Variants in MGMT observed in about 807,000 individuals in gnomAD.
MGMT encodes O-6-methylguanine-DNA methyltransferase.
In MGMT, 14 loss-of-function variants were observed where a neutral mutation model predicts 15.9. The observed-to-expected ratio is 0.88, with a 90% CI of 0.58 to 1.37. The LOEUF is 1.37. Among genes scored for constraint, MGMT ranks in the 40% most tolerant of loss-of-function variants. The pLI is 0.00. For missense variants in MGMT, 282 were observed against 268.1 expected (o/e 1.05, Z -0.36); for synonymous variants, 130 against 118.2 (o/e 1.10, Z -0.65).
chr10:129,673,851 C>T lies in MGMT; in HGVS notation c.126-34044C>T, dbSNP rs1011676223. ...GTTAATATCTCAGTTGATGCTCGTGCGAAAAAAGTCTGCCTTTCTACCTTT... is the reference window on the plus strand; with the variant it reads ...GTTAATATCTCAGTTGATGCTCGTGTGAAAAAAGTCTGCCTTTCTACCTTT... On this transcript the variant is annotated intron_variant, in intron 2 of 4. Coordinates refer to ENST00000651593, the MANE Select transcript of MGMT (RefSeq NM_002412.5). Among the ~76,000 whole-genome samples the T allele has an allele frequency of 3.3e-5, 5 of 152,062 alleles. No homozygotes were observed. The South Asian group carries it at 6.2e-4, about 19-fold the overall frequency.
At chr10:129,512,673 C>T (rs1427157998) in intron 1 of MGMT, among the ~76,000 whole-genome samples, 2 of 152,162 alleles carry the variant, frequency 1.3e-5, no homozygotes, top group South Asian at 2.1e-4. Context: ...TGTGGCTTAG[C>T]GATGCGTGAA....
chr10:129,726,317 G>C (rs1358986749), intron 3 of MGMT, among the ~76,000 whole-genome samples: 1 of 152,128 alleles, frequency 6.6e-6, no homozygotes, highest in Non-Finnish European at 1.5e-5. Flanking sequence ...TGCTGGCCAG[G>C]TCCTTGATGG....
In MGMT at chr10:129,760,598, C is replaced by T. The variant is rs561865284; in HGVS notation, c.414+1257C>T. 3.3e-5 allele frequency among the ~76,000 whole-genome samples: 5 copies of T among 152,230 alleles called. 1 individual carries two copies. Among genetic ancestry groups the T allele is most frequent in the South Asian group, 4.2e-4 (2 of 4,818 alleles). On this transcript the variant is annotated intron_variant, in intron 4 of 4. Transcript: ENST00000651593. ...ACCACAGCCTGCTGCTCCTGCTGCCCGCTGCAGCAGCCTGGGGGCAGAGCC... is the reference window on the plus strand; with the variant it reads ...ACCACAGCCTGCTGCTCCTGCTGCCTGCTGCAGCAGCCTGGGGGCAGAGCC...
At chr10:129,553,968 T>A (rs1392498829) in intron 2 of MGMT, among the ~76,000 whole-genome samples, 1 of 152,164 alleles carries the variant, frequency 6.6e-6, no homozygotes, top group Non-Finnish European at 1.5e-5. Flanking sequence ...TGAGGAAGAC[T>A]CTCCCGGCTC....
intron 2 of MGMT, among the ~76,000 whole-genome samples, chr10:129,650,547 C>G (rs921754306): frequency 2.6e-5 from 4 of 152,118 alleles, no homozygotes; most frequent in Non-Finnish European, 5.9e-5. Context: ...CTCACCATTG[C>G]GTCCTTTTGT....
chr10:129,471,570 G>A (rs1020727406), intron 1 of MGMT, among the ~76,000 whole-genome samples: 4 of 152,084 alleles, frequency 2.6e-5, no homozygotes, highest in Non-Finnish European at 5.9e-5. Context: ...CCTTGAACCT[G>A]TTGCTCTCCG....
At chr10:129,482,120 G>T (rs575155844) in intron 1 of MGMT, among the ~76,000 whole-genome samples, 1 of 152,138 alleles carries the variant, frequency 6.6e-6, no homozygotes, top group Non-Finnish European at 1.5e-5. Context: ...TCAGAGTGGC[G>T]TATTTCCCAA....
At chr10:129,736,932 G>A (rs1402389464) in intron 3 of MGMT, among the ~76,000 whole-genome samples, 1 of 152,230 alleles carries the variant, frequency 6.6e-6, no homozygotes, top group Non-Finnish European at 1.5e-5. Flanking sequence ...GAGATCTGCT[G>A]TTAGTCTGAT....
intron 2 of MGMT, among the ~76,000 whole-genome samples, chr10:129,706,306 C>T (rs937273808): frequency 1.3e-5 from 2 of 152,224 alleles, no homozygotes; most frequent in African/African-American, 4.8e-5. Flanking sequence ...GGACGGTGCT[C>T]CCGGCTGCAT....
intron 1 of MGMT, chr10:129,467,589 G>T: frequency 3.9e-6 from 1 of 256,980 alleles, no homozygotes; most frequent in Non-Finnish European, 6.1e-6. Context: ...CCCCAGGCCC[G>T]GGCCCCGGGT....
chr10:129,665,242 A>G (rs1392100528), intron 2 of MGMT, among the ~76,000 whole-genome samples: 1 of 68,280 alleles, frequency 1.5e-5, no homozygotes, highest in Non-Finnish European at 2.8e-5. Flanking sequence ...CCCCCAACTC[A>G]CTTACCCCCA....
chr10:129,544,274 C>A (rs1172766468), intron 2 of MGMT, among the ~76,000 whole-genome samples: 2 of 152,118 alleles, frequency 1.3e-5, no homozygotes, highest in Non-Finnish European at 2.9e-5. Context: ...AGGAAAGATC[C>A]CGGAAGTGGC....
intron 2 of MGMT, among the ~76,000 whole-genome samples, chr10:129,558,212 A>G (rs1452643382): frequency 1.3e-5 from 2 of 152,166 alleles, no homozygotes; most frequent in Admixed American, 6.5e-5. Context: ...ATGGCCAAAT[A>G]TAAATGTATA....
chr10:129,671,911 A>G (rs1350177473), intron 2 of MGMT, among the ~76,000 whole-genome samples: 1 of 152,248 alleles, frequency 6.6e-6, no homozygotes, highest in Non-Finnish European at 1.5e-5. Flanking sequence ...AAGTCATGCT[A>G]TAAGAATCAG....
At chr10:129,683,353 A>G (rs1847873629) in intron 2 of MGMT, among the ~76,000 whole-genome samples, 1 of 152,224 alleles carries the variant, frequency 6.6e-6, no homozygotes, top group African/African-American at 2.4e-5. Flanking sequence ...CTTAGGCTGG[A>G]AAAATGTGGC....
intron 3 of MGMT, among the ~76,000 whole-genome samples, chr10:129,745,899 A>G (rs1848689297): frequency 6.6e-6 from 1 of 152,086 alleles, no homozygotes; most frequent in African/African-American, 2.4e-5. Context: ...CTTATTTCCA[A>G]ATATTTTCTC....
intron 2 of MGMT, among the ~76,000 whole-genome samples, chr10:129,663,319 CTG>C (rs1165480749): frequency 1.3e-5 from 2 of 152,024 alleles, no homozygotes; most frequent in African/African-American, 4.8e-5. Flanking sequence ...AATAATAACT[CTG>C]TGTATCAAAG....
intron 1 of MGMT, among the ~76,000 whole-genome samples, chr10:129,495,390 G>A (rs1437307732): frequency 4.6e-5 from 7 of 152,186 alleles, no homozygotes; most frequent in Non-Finnish European, 7.3e-5. Flanking sequence ...TTGGTAATTA[G>A]GTGTTTGGTT....
intron 2 of MGMT, among the ~76,000 whole-genome samples, chr10:129,544,824 G>T (rs919657060): frequency 1.3e-5 from 2 of 152,188 alleles, no homozygotes; most frequent in African/African-American, 4.8e-5. Context: ...AAGGTTCAAT[G>T]AACCCCTGTG....
Sources: gnomAD v4.1 joint callset for allele counts (sites outside exome capture counted in the v4.1 genomes callset) on GRCh38, gnomAD v4.1.1 for gene constraint, MANE v1.5 for transcripts, NCBI Gene and HGNC (gene_info 2026-07-23, HGNC 2026-07-21) for gene names.